Variants in LINC01488 observed in about 807,000 individuals in gnomAD.
The protein encoded by LINC01488 is long independently transcribed non-coding RNA 1488.
chr11:69,483,768 A>G (rs554552962), intron 1 of LINC01488, among the ~76,000 whole-genome samples: 1 of 152,186 alleles, frequency 6.6e-6, no homozygotes, highest in East Asian at 1.9e-4. Flanking sequence ...TGTTTACAGC[A>G]TTTGTTGGAG....
chr11:69,482,659 A>G (rs775195157), intron 1 of LINC01488, among the ~76,000 whole-genome samples: 1 of 152,196 alleles, frequency 6.6e-6, no homozygotes, highest in Non-Finnish European at 1.5e-5. Flanking sequence ...GGATGAATGG[A>G]TGGAAGAAAG....
rs562892830 is a variant in LINC01488 at position 69,487,492 on chromosome 11, G to C, written n.123-3003G>C. On this transcript the variant is annotated intron_variant and non_coding_transcript_variant, in intron 1 of 3. Coordinates refer to ENST00000644563, the Ensembl canonical transcript of LINC01488. ...AGGCAGGGCCTGAGTAAGGACTGAC[G>C]GGGAGCTAGGTTTGGCCTCCGCCCT... Among the ~76,000 whole-genome samples, 4 of 152,344 alleles carry C rather than the reference G, an allele frequency of 2.6e-5. No individual in the cohort carries two copies. The South Asian group carries it at 8.3e-4, about 32-fold the overall frequency.
intron 1 of LINC01488, among the ~76,000 whole-genome samples, chr11:69,484,521 C>T (rs932530685): frequency 6.6e-6 from 1 of 152,248 alleles, no homozygotes; most frequent in Non-Finnish European, 1.5e-5. Flanking sequence ...CTCCCAAGGA[C>T]ACTTACAGAG....
chr11:69,488,842 C>G (rs1200618147), intron 1 of LINC01488, among the ~76,000 whole-genome samples: 1 of 152,214 alleles, frequency 6.6e-6, no homozygotes, highest in Admixed American at 6.5e-5. Context: ...CCAAGACGCC[C>G]AGGCTTGGGA....
intron 1 of LINC01488, among the ~76,000 whole-genome samples, chr11:69,486,654 AGAGAGGGGACAGCCTATGGGGACAGGG>A (rs1407824173): frequency 2.0e-5 from 3 of 152,110 alleles, no homozygotes; most frequent in African/African-American, 7.2e-5. Context: ...GAGGATGAGG[AGAGAGGGGACAGCCTATGGGGACAGGG>A]GAGGAGCCTC....
intron 1 of LINC01488, among the ~76,000 whole-genome samples, chr11:69,482,435 GATGGACGAGTGGATGGAT>G (rs1292906089): frequency 6.6e-6 from 1 of 152,058 alleles, no homozygotes; most frequent in African/African-American, 2.4e-5. Flanking sequence ...TGAGTGGATG[GATGGACGAGTGGATGGAT>G]GAATGGATGG....
intron 1 of LINC01488, among the ~76,000 whole-genome samples, chr11:69,484,018 G>A (rs749109963): frequency 5.3e-5 from 8 of 152,212 alleles, no homozygotes; most frequent in Non-Finnish European, 1.2e-4. Context: ...GACCTCACAC[G>A]GGCAGCTCCC....
rs189385975 is a variant in LINC01488, at chr11:69,490,221, C to T, written n.123-274C>T. Among the ~76,000 whole-genome samples the T allele has an allele frequency of 1.6e-3, 237 of 152,326 alleles. 1 individual carries two copies. The highest frequency in any genetic ancestry group is 2.3e-3 in the Non-Finnish European group (159 of 68,036). ...CTGGGGCAAGAGGCCCATCCCTAGT[C>T]AGCCCTGTTCCGCCGAATGGGCTTT... On this transcript the variant is annotated intron_variant and non_coding_transcript_variant, in intron 1 of 3. Coordinates refer to ENST00000644563, the Ensembl canonical transcript of LINC01488.
At chr11:69,481,977 G>A (rs972670259) in intron 1 of LINC01488, among the ~76,000 whole-genome samples, 4 of 151,914 alleles carry the variant, frequency 2.6e-5, no homozygotes, top group Non-Finnish European at 5.9e-5. Context: ...TTGAATGGGT[G>A]GATGGATGGA....
exon 4 of LINC01488, chr11:69,492,629 C>A (rs12365303): frequency 0.37 from 55,982 of 152,238 alleles, 11,823 homozygotes; most frequent in Non-Finnish European, 0.48. Flanking sequence ...CAGAACCCAG[C>A]CCCGCTGCCA....
chr11:69,483,092 T>C lies in LINC01488; in HGVS notation n.122+1309T>C, dbSNP rs374833908. Among the ~76,000 whole-genome samples, 112 of 152,346 alleles carry C rather than the reference T, an allele frequency of 7.4e-4. 2 individuals carry two copies. In the South Asian group the frequency reaches 0.022, roughly 30 times the overall value. On this transcript the variant is annotated intron_variant and non_coding_transcript_variant, in intron 1 of 3. Transcript: ENST00000644563. ...TAACAGTTAAGCTATCACAGATACT[T>C]CTGAGGTCCGTGGAAGGAGAGAGTG...
intron 1 of LINC01488, among the ~76,000 whole-genome samples, chr11:69,490,181 T>C (rs1186591892): frequency 6.6e-6 from 1 of 152,186 alleles, no homozygotes; most frequent in Non-Finnish European, 1.5e-5. Context: ...TGTCCCACCA[T>C]CATCCCAGGC....
At chr11:69,489,512 C>T (rs768292646) in intron 1 of LINC01488, among the ~76,000 whole-genome samples, 13 of 152,224 alleles carry the variant, frequency 8.5e-5, no homozygotes, top group Non-Finnish European at 1.9e-4. Context: ...AGCAGCTTTC[C>T]CACAGGCCTC....
At chr11:69,486,757 G>A (rs923061697) in intron 1 of LINC01488, among the ~76,000 whole-genome samples, 6 of 152,144 alleles carry the variant, frequency 3.9e-5, no homozygotes, top group South Asian at 2.1e-4. Context: ...AAGCCCCCGC[G>A]ATGGGTGGCA....
chr11:69,481,750 C>T (rs929144632), exon 1 of LINC01488: 1 of 152,312 alleles, frequency 6.6e-6, no homozygotes, highest in African/African-American at 2.4e-5. Flanking sequence ...GAGATCCCTA[C>T]AGAGGAAGGG....
At chr11:69,482,519 G>A (rs1857058461) in intron 1 of LINC01488, among the ~76,000 whole-genome samples, 1 of 151,932 alleles carries the variant, frequency 6.6e-6, no homozygotes, top group African/African-American at 2.4e-5. Context: ...TGGATGGACG[G>A]ATGGATGAAT....
chr11:69,482,028 T>A (rs1319702252), intron 1 of LINC01488, among the ~76,000 whole-genome samples: 1 of 151,750 alleles, frequency 6.6e-6, no homozygotes, highest in Non-Finnish European at 1.5e-5. Context: ...GATGGATGGA[T>A]GAGTGAGTGG....
At chr11:69,482,183 C>T (rs1012955449) in intron 1 of LINC01488, among the ~76,000 whole-genome samples, 1 of 152,178 alleles carries the variant, frequency 6.6e-6, no homozygotes, top group Non-Finnish European at 1.5e-5. Context: ...AGCAAAGGCA[C>T]ATCTTACATG....
intron 1 of LINC01488, among the ~76,000 whole-genome samples, chr11:69,483,647 C>T (rs1255252910): frequency 2.0e-5 from 3 of 152,186 alleles, no homozygotes; most frequent in African/African-American, 4.8e-5. Context: ...AGGCCCACGT[C>T]CAGAGGGGGC....
Sources: allele counts gnomAD v4.1 joint callset (sites outside exome capture counted in the v4.1 genomes callset), GRCh38; gene constraint gnomAD v4.1.1; transcripts MANE v1.5; gene names NCBI Gene and HGNC (gene_info 2026-07-23, HGNC 2026-07-21).